TEX36: variants seen among roughly 807,000 people sequenced by gnomAD.
TEX36 encodes testis-expressed protein 36.
In TEX36, 12 loss-of-function variants were observed where a neutral mutation model predicts 13.6. That is an observed-to-expected ratio of 0.88 (90% confidence interval 0.56 to 1.43). The LOEUF (loss-of-function observed/expected upper bound fraction) is 1.43, where lower values mean the gene tolerates loss of function less well. Ranked by LOEUF, TEX36 falls within the 40% of genes most tolerant of loss-of-function variation. The pLI is 0.00. For missense variants in TEX36, 224 were observed against 228.3 expected (o/e 0.98, Z 0.12); for synonymous variants, 93 against 83.0 (o/e 1.12, Z -0.65).
rs1847146238 is a variant in TEX36 at position 125,667,705 on chromosome 10, C to T, written c.52-5728G>A. ...CATCATCCTTCTTCTGGTAGAGTGT[C>T]TGGTGGAAGAGGATGACGTCCCCGA... On this transcript the variant is annotated intron_variant, in intron 1 of 3. Transcript: ENST00000368821. 1.7e-5 allele frequency: 13 copies of T among 745,386 alleles called. 1 individual carries two copies. The South Asian group carries it at 2.0e-4, about 12-fold the overall frequency. 46.2% of individuals were successfully genotyped at this position (745,386 alleles called of 1,614,324 possible).
intron 3 of TEX36, among the ~76,000 whole-genome samples, chr10:125,579,494 T>C (rs1845860963): frequency 6.6e-6 from 1 of 152,220 alleles, no homozygotes; most frequent in Non-Finnish European, 1.5e-5. Context: ...CAATTCAAGA[T>C]GAGATTTTGG....
intron 3 of TEX36, among the ~76,000 whole-genome samples, chr10:125,589,125 C>A (rs1277961440): frequency 6.6e-6 from 1 of 152,200 alleles, no homozygotes; most frequent in Non-Finnish European, 1.5e-5. Context: ...TGTTTAAAAA[C>A]CATCTCTATT....
At chr10:125,580,603 G>T (rs2133521056) in intron 3 of TEX36, among the ~76,000 whole-genome samples, 1 of 152,304 alleles carries the variant, frequency 6.6e-6, no homozygotes, top group African/African-American at 2.4e-5. Context: ...GAAGGGATCA[G>T]ACCCCAACCC....
chr10:125,664,517 G>A (rs917929223), intron 1 of TEX36, among the ~76,000 whole-genome samples: 1 of 152,172 alleles, frequency 6.6e-6, no homozygotes, highest in Non-Finnish European at 1.5e-5. Flanking sequence ...GGCGCCTGGT[G>A]GGAGGTGATT....
rs540106031 is a variant in TEX36, at chr10:125,667,165, G to A, written c.52-5188C>T. On this transcript the variant is annotated intron_variant, in intron 1 of 3. Coordinates refer to ENST00000368821, the MANE Select transcript of TEX36 (RefSeq NM_001128202.3). ...GAATGTGATCCCAGGGACAGCGGGGGGCACTGTGCGGTGCAGCGTTGTGAC... is the reference window on the plus strand; with the variant it reads ...GAATGTGATCCCAGGGACAGCGGGGAGCACTGTGCGGTGCAGCGTTGTGAC... The A allele has an allele frequency of 4.2e-5, 28 of 665,580 alleles. No individual in the cohort carries two copies. The African/African-American group carries it at 4.6e-4, about 11-fold the overall frequency. The allele number at this position is 665,580 out of a possible 1,614,324, so 41.2% of individuals were successfully genotyped here.
intron 3 of TEX36, among the ~76,000 whole-genome samples, chr10:125,591,395 G>C (rs767416639): frequency 5.3e-5 from 8 of 152,154 alleles, no homozygotes; most frequent in Non-Finnish European, 1.0e-4. Context: ...TCTGCCCTTA[G>C]TAACTGGGAG....
At chr10:125,682,569 A>G (rs1463508708) in intron 1 of TEX36, among the ~76,000 whole-genome samples, 1 of 152,212 alleles carries the variant, frequency 6.6e-6, no homozygotes, top group African/African-American at 2.4e-5. Context: ...AAAATAGACA[A>G]AAATCCCAGC....
intron 1 of TEX36, 49 bp downstream of exon 1, chr10:125,682,890 C>A (rs1258385398): frequency 1.3e-5 from 20 of 1,546,992 alleles, no homozygotes; most frequent in Non-Finnish European, 1.7e-5. Context: ...GACTGTTGAC[C>A]ACACCCACGT....
chr10:125,682,985 G>A lies in TEX36; in HGVS notation c.5C>T (p.Thr2Ile), dbSNP rs749199694. 4 of 1,551,592 alleles carry A rather than the reference G, an allele frequency of 2.6e-6. No individual in the cohort carries two copies. Among genetic ancestry groups the A allele is most frequent in the Non-Finnish European group, 2.6e-6 (3 of 1,147,006 alleles). The change falls in exon 1 of 4, where the codon ACC (threonine) becomes ATC (isoleucine). Residue 2 changes from threonine (T) to isoleucine (I), a missense_variant. Coordinates refer to ENST00000368821, the MANE Select transcript of TEX36 (RefSeq NM_001128202.3). ...AGGTGGGTTGAAGCGTCGCCCTTTG[G>A]TCATTCTCTCCAGGAAGCTGAATGT... The part of the protein sequence containing the change: M[T>I]KGRRFNPPSD...
intron 3 of TEX36, 106 bp downstream of exon 3, chr10:125,660,915 C>A (rs1431880331): frequency 3.1e-6 from 3 of 967,148 alleles, no homozygotes; most frequent in African/African-American, 3.3e-5. Context: ...TTGTTTTGAC[C>A]TTGTTCCAGT....
intron 3 of TEX36, among the ~76,000 whole-genome samples, chr10:125,628,615 T>G (rs1846516076): frequency 6.6e-6 from 1 of 152,148 alleles, no homozygotes; most frequent in Non-Finnish European, 1.5e-5. Context: ...GGAGCATCGT[T>G]TTGGAGGAAT....
At chr10:125,576,932 G>C (rs981482827) in intron 3 of TEX36, 2 of 1,531,704 alleles carry the variant, frequency 1.3e-6, no homozygotes, top group African/African-American at 2.7e-5. Flanking sequence ...AATCCTTGTA[G>C]TTCAGCAATC....
rs183529602 is a variant in TEX36 at position 125,627,525 on chromosome 10, C to T, written c.265-5880G>A. ...TTGAAAGCATGTCTTTAATTTAAAA[C>T]GTCATTTTCTATTTAAGCATTGCAT... On this transcript the variant is annotated intron_variant, in intron 3 of 3. Transcript: ENST00000526819. Among the ~76,000 whole-genome samples, 259 of 152,232 alleles carry T rather than the reference C, an allele frequency of 1.7e-3. 1 individual carries two copies. The highest frequency in any genetic ancestry group is 5.8e-3 in the African/African-American group (243 of 41,540).
At chr10:125,612,373 C>T (rs965689480) in intron 3 of TEX36, among the ~76,000 whole-genome samples, 6 of 152,168 alleles carry the variant, frequency 3.9e-5, no homozygotes, top group Admixed American at 2.6e-4. Flanking sequence ...TGTGAGCCAT[C>T]GAACCCCAGC....
At chr10:125,679,841 C>T (rs1847368252) in intron 1 of TEX36, among the ~76,000 whole-genome samples, 1 of 152,172 alleles carries the variant, frequency 6.6e-6, no homozygotes, top group South Asian at 2.1e-4. Flanking sequence ...TGACGCCCCT[C>T]CTCTGCCTTA....
At chr10:125,580,870 C>T (rs1312206818) in intron 3 of TEX36, among the ~76,000 whole-genome samples, 1 of 152,176 alleles carries the variant, frequency 6.6e-6, no homozygotes, top group Non-Finnish European at 1.5e-5. Context: ...TTTCCTGGGA[C>T]TTTCCTGCCT....
rs1173411320 is a variant in TEX36, at chr10:125,636,372, A to AT, written c.265-14728dup. On this transcript the variant is annotated intron_variant, in intron 3 of 3. Coordinates refer to the TEX36 transcript ENST00000526819. ...AGGCGCCCGCTACCACACCCGGCTA[A>AT]TTTTTTTTTTTTTATATATTTTTAG... 5.6e-3 allele frequency among the ~76,000 whole-genome samples: 792 copies of AT among 142,640 alleles called. 9 individuals are homozygous for AT. Among genetic ancestry groups the AT allele is most frequent in the East Asian group, 0.038 (187 of 4,860 alleles). The allele number at this position is 142,640 out of a possible 152,430, so 93.6% of individuals were successfully genotyped here. A position where few individuals can be genotyped will look rare whatever the true frequency, so the allele number is the denominator to read the frequency against.
intron 3 of TEX36, among the ~76,000 whole-genome samples, chr10:125,579,493 A>G (rs190116244): frequency 6.6e-6 from 1 of 152,296 alleles, no homozygotes; most frequent in East Asian, 1.9e-4. Flanking sequence ...ACAATTCAAG[A>G]TGAGATTTTG....
At chr10:125,645,303 G>T (rs1018495876) in intron 3 of TEX36, among the ~76,000 whole-genome samples, 1 of 152,152 alleles carries the variant, frequency 6.6e-6, no homozygotes, top group Non-Finnish European at 1.5e-5. Flanking sequence ...CCTTTTAGAG[G>T]TGATTGGGTT....
Sources: gnomAD v4.1 joint callset for allele counts (sites outside exome capture counted in the v4.1 genomes callset) on GRCh38, gnomAD v4.1.1 for gene constraint, MANE v1.5 for transcripts, NCBI Gene and HGNC (gene_info 2026-07-23, HGNC 2026-07-21) for gene names.